The following GBA2 variants were observed in gnomAD, a reference collection of about 807,000 sequenced individuals.
GBA2 encodes the protein non-lysosomal glucosylceramidase.
A neutral mutation model predicts 112.9 loss-of-function variants in GBA2; 79 were observed. The observed-to-expected ratio is 0.70, with a 90% confidence interval of 0.58 to 0.84. The LOEUF is 0.84. Among genes scored for constraint, GBA2 ranks in the 40% least tolerant of loss-of-function variants. The pLI is 0.00. For missense variants in GBA2, 1,043 were observed against 1,190.0 expected, an observed-to-expected ratio of 0.88 and a Z score of 1.82; for synonymous variants, 403 against 434.3, an observed-to-expected ratio of 0.93 and a Z score of 0.90.
rs778700584 is a variant in GBA2, at chr9:35,740,836, C to G, written c.1015G>C (p.Ala339Pro). ...LPNPYTMAVA[A>P]RVTAATTVTH... ...GGCTCTTTCCTTACCGTGACTCGTG[C>G]AGCCACAGCCATCGTGTAGGGGTTT... The change falls in exon 5 of 17, where the codon GCA (alanine) becomes CCA (proline). Residue 339 changes from alanine (A) to proline (P), a missense_variant. By Grantham distance (27) the Ala-to-Pro change is conservative (BLOSUM62 -1). Coordinates refer to ENST00000378103, the MANE Select transcript of GBA2 (RefSeq NM_020944.3). The surrounding 1 kb of genome is among the most constrained non-coding windows in gnomAD (Gnocchi z 4.7). The G allele has an allele frequency of 4.3e-6, 7 of 1,613,998 alleles. No homozygotes were observed. The highest frequency in any genetic ancestry group is 5.1e-6 in the Non-Finnish European group (6 of 1,179,978).
intron 3 of GBA2, among the ~76,000 whole-genome samples, chr9:35,742,750 T>G (rs1826766082): frequency 6.6e-6 from 1 of 152,246 alleles, no homozygotes; most frequent in South Asian, 2.1e-4. Flanking sequence ...TCTCACAGTC[T>G]CCATTTCCCC....
intron 14 of GBA2, 34 bp downstream of exon 14, chr9:35,738,198 C>A (rs1409254458): frequency 1.9e-6 from 3 of 1,613,414 alleles, no homozygotes; most frequent in Non-Finnish European, 2.5e-6. Flanking sequence ...GTCCTCTCAG[C>A]TGCCTTAAGA....
chr9:35,738,430 C>A (rs947498456), intron 13 of GBA2, 56 bp from the exon 14 acceptor site: 2 of 1,598,570 alleles, frequency 1.3e-6, no homozygotes, highest in Non-Finnish European at 1.7e-6. Flanking sequence ...GCTCCCATGC[C>A]GTGTAATAGA....
intron 1 of GBA2, 37 bp downstream of exon 1, chr9:35,748,309 G>T: frequency 7.7e-7 from 1 of 1,302,432 alleles, no homozygotes; most frequent in South Asian, 1.3e-5. Flanking sequence ...GGAACAAAGT[G>T]AAGCCAAAGG....
intron 1 of GBA2, among the ~76,000 whole-genome samples, 196 bp from the exon 2 acceptor site, chr9:35,744,902 CTTTG>C (rs913428250): frequency 9.9e-5 from 15 of 152,134 alleles, no homozygotes; most frequent in African/African-American, 2.2e-4. Context: ...GAAGGAGTGG[CTTTG>C]TTTCTCTCCT....
rs1332433571 is a variant in GBA2, at chr9:35,739,512, T to C, written c.1583-93A>G. Reference sequence around the variant, plus strand: ...GTCCTCTAGATTTAGAGGTGGGGCATTGTTACTAGTCCACACCCAACACCC... The same window carrying C: ...GTCCTCTAGATTTAGAGGTGGGGCACTGTTACTAGTCCACACCCAACACCC... On this transcript the variant is annotated intron_variant, in intron 9 of 16. Coordinates refer to ENST00000378103, the MANE Select transcript of GBA2 (RefSeq NM_020944.3). 2.5e-5 allele frequency: 32 copies of C among 1,279,224 alleles called. No homozygotes were observed. The Middle Eastern group carries it at 7.4e-4, about 30-fold the overall frequency. The allele number at this position is 1,279,224 out of a possible 1,614,324, so 79.2% of individuals were successfully genotyped here. A position where few individuals can be genotyped will look rare whatever the true frequency, so the allele number is the denominator to read the frequency against.
At position 35,736,891 on chromosome 9, in the gene GBA2, C is replaced by T. The variant is rs1242791326; in HGVS notation, c.*278G>A. 5.3e-6 allele frequency: 4 copies of T among 747,778 alleles called. No homozygotes were observed. The Admixed American group carries it at 8.6e-5, about 16-fold the overall frequency. The allele number at this position is 747,778 out of a possible 1,614,324, so 46.3% of individuals were successfully genotyped here. ...TGGCTTTCTGGGTCTTTTATTTGTA[C>T]CCATGTGTCTGTCACACCATGAATG... On this transcript the variant is annotated 3_prime_UTR_variant, in exon 17 of 17. Transcript: ENST00000378103.
In GBA2 at chr9:35,737,813, T is replaced by G; in HGVS notation, c.2440A>C (p.Ser814Arg). The change falls in exon 16 of 17, where the codon AGT (serine) becomes CGT (arginine). Residue 814 changes from serine to arginine, a missense_variant. By Grantham distance (110) the Ser-to-Arg change is moderately radical (BLOSUM62 -1). Transcript: ENST00000378103. The surrounding 1 kb of genome is among the most constrained non-coding windows in gnomAD (Gnocchi z 4.1). ...MQPHGVPDKS[S>R]VQSDEVWVGV... is the part of the protein sequence containing the mutation. ...ACCCAGACTTCATCAGACTGCACAC[T>G]GGATTTATCAGGGACACCATGGGGC... 6.2e-7 allele frequency: 1 copy of G among 1,614,000 alleles called. No homozygotes were observed. Among genetic ancestry groups the G allele is most frequent in the Middle Eastern group, 1.6e-4 (1 of 6,062 alleles).
At position 35,738,840 on chromosome 9, in the gene GBA2, A is replaced by G. The variant is rs750363712; in HGVS notation, c.1859T>C (p.Leu620Pro). 6.2e-7 allele frequency: 1 copy of G among 1,613,932 alleles called. No individual in the cohort carries two copies. The highest frequency in any genetic ancestry group is 8.5e-7 in the Non-Finnish European group (1 of 1,179,760). ...LIHDTADWKD[L>P]NLKFVLQVYR... is the part of the protein sequence containing the mutation. ...AACCTGCAGCACAAACTTCAGGTTC[A>G]GGTCCTTCCAATCAGCAGTATCATG... The change falls in exon 12 of 17, where the codon CTG (leucine) becomes CCG (proline). Residue 620 changes from leucine to proline, a missense_variant. Transcript: ENST00000378103.
At chr9:35,745,727 G>C (rs1826939427) in intron 1 of GBA2, among the ~76,000 whole-genome samples, 1 of 152,082 alleles carries the variant, frequency 6.6e-6, no homozygotes, top group Non-Finnish European at 1.5e-5. Flanking sequence ...TCTGACATCT[G>C]TCCCAGCCTA....
chr9:35,737,526 T>TA lies in GBA2; in HGVS notation c.2506-80dup, dbSNP rs1826289667. 1 of 1,566,856 alleles carries TA rather than the reference T, an allele frequency of 6.4e-7. No homozygotes were observed. Among genetic ancestry groups the TA allele is most frequent in the African/African-American group, 1.4e-5 (1 of 73,542 alleles). On this transcript the variant is annotated intron_variant, in intron 16 of 16. Transcript: ENST00000378103. This position sits in a 1 kb window ranked among gnomAD's most constrained non-coding sequence, Gnocchi z 4.1. ...ACTTCCACTGGATAGATGGAGGCAG[T>TA]AGAGTCTTTGCCTTCAAGGAGCTCC...
chr9:35,739,047 G>T lies in GBA2; in HGVS notation c.1750C>A (p.Pro584Thr), dbSNP rs768089215. Residue 584 changes from proline to threonine, a missense_variant, in exon 11 of 17, where the codon CCT becomes ACT. By Grantham distance (38) the Pro-to-Thr change is conservative. Coordinates refer to ENST00000378103, the MANE Select transcript of GBA2 (RefSeq NM_020944.3). ...RRYLMSGVMA[P>T]VKRRNVIPHD... is the part of the protein sequence containing the mutation. ...GGGATGACGTTCCTCCTTTTCACAG[G>T]TGCCATCACCCCACTCATCAGGTAC... The T allele has an allele frequency of 1.9e-6, 3 of 1,613,742 alleles. No individual in the cohort carries two copies. The highest frequency in any genetic ancestry group is 2.5e-6 in the Non-Finnish European group (3 of 1,179,810).
intron 3 of GBA2, among the ~76,000 whole-genome samples, chr9:35,743,536 G>A (rs985703355): frequency 5.3e-5 from 8 of 152,180 alleles, no homozygotes; most frequent in Non-Finnish European, 8.8e-5. Flanking sequence ...GCTGGTAAAC[G>A]TGAACCAGGA....
Position 35,738,116 on chromosome 9 carries a change from T to C in GBA2, c.2234A>G (p.Gln745Arg). The change falls in exon 15 of 17, where the codon CAG becomes CGG. Residue 745 changes from glutamine to arginine, a missense_variant. Transcript: ENST00000378103. The stretch of plus-strand genomic sequence containing the variant: ...CTGGTCAGACATAACACTACGAGAC[T>C]GAGGCCGAGAGCTGCTGTCATAGTT... ...YYNYDSSSRPQSRSVMSDQCA... is the reference protein window; with the variant it reads ...YYNYDSSSRPRSRSVMSDQCA... 1 of 1,614,000 alleles carries C rather than the reference T, an allele frequency of 6.2e-7. No homozygotes were observed. Among genetic ancestry groups the C allele is most frequent in the Non-Finnish European group, 8.5e-7 (1 of 1,179,876 alleles).
rs754191961 is a variant in GBA2, at chr9:35,740,627, GC to G, written c.1027del (p.Ala343GlnfsTer5). The G allele has an allele frequency of 2.5e-6, 4 of 1,610,334 alleles. No individual in the cohort carries two copies. The South Asian group carries it at 4.4e-5, about 18-fold the overall frequency. On this transcript the variant is annotated frameshift_variant and splice_region_variant, in exon 6 of 17. Coordinates refer to ENST00000378103, the MANE Select transcript of GBA2 (RefSeq NM_020944.3). LOFTEE classifies it high-confidence loss of function. The surrounding 1 kb of genome is among the most constrained non-coding windows in gnomAD (Gnocchi z 4.7). ...TGTGATGTGGGTTACCGTGGTAGCT[GC>G]CTGTGAAGGGGTCAGGGACTGTGAG... ...YTMAVAARVT[A>X]ATTVTHITAF...
Position 35,748,726 on chromosome 9 carries a change from C to G in GBA2, c.-22G>C, listed in dbSNP as rs978324035. Reference sequence around the variant, plus strand: ...CCATGACCTCGATGGCGCCAAGTCCCGAGCCCTCGGATACTAAGTATCTCG... The same window carrying G: ...CCATGACCTCGATGGCGCCAAGTCCGGAGCCCTCGGATACTAAGTATCTCG... On this transcript the variant is annotated 5_prime_UTR_variant, in exon 1 of 17. Coordinates refer to ENST00000378103, the MANE Select transcript of GBA2 (RefSeq NM_020944.3). 9 of 1,422,468 alleles carry G rather than the reference C, an allele frequency of 6.3e-6. No individual in the cohort carries two copies. Among genetic ancestry groups the G allele is most frequent in the African/African-American group, 4.3e-5 (3 of 69,868 alleles). The allele number at this position is 1,422,468 out of a possible 1,614,324, so 88.1% of individuals were successfully genotyped here. A position where few individuals can be genotyped will look rare whatever the true frequency, so the allele number is the denominator to read the frequency against.
intron 3 of GBA2, among the ~76,000 whole-genome samples, chr9:35,742,228 T>C (rs1826732705): frequency 6.6e-6 from 1 of 152,220 alleles, no homozygotes; most frequent in African/African-American, 2.4e-5. Flanking sequence ...GATGTTTCAG[T>C]GACTCCCCAT....
Position 35,738,867 on chromosome 9 carries a change from A to G in GBA2, c.1832T>C (p.Ile611Thr), listed in dbSNP as rs1826435412. 2 of 1,614,100 alleles carry G rather than the reference A, an allele frequency of 1.2e-6. No individual in the cohort carries two copies. The highest frequency in any genetic ancestry group is 2.2e-5 in the South Asian group (2 of 91,082). ...EPWLRVNAYL[I>T]HDTADWKDLN... Reference sequence around the variant, plus strand: ...GTCCTTCCAATCAGCAGTATCATGGATTAAATATGCATTGACGCGGAGCCA... The same window carrying G: ...GTCCTTCCAATCAGCAGTATCATGGGTTAAATATGCATTGACGCGGAGCCA... Residue 611 changes from isoleucine (I) to threonine (T), a missense_variant, in exon 12 of 17, where the codon ATC (isoleucine) becomes ACC (threonine). Coordinates refer to ENST00000378103, the MANE Select transcript of GBA2 (RefSeq NM_020944.3).
intron 3 of GBA2, among the ~76,000 whole-genome samples, chr9:35,742,508 C>T (rs1325999346): frequency 6.6e-6 from 1 of 152,154 alleles, no homozygotes; most frequent in African/African-American, 2.4e-5. Flanking sequence ...ATTATGTGTG[C>T]CCCCCTCCCC....
Sources: gnomAD v4.1 joint callset for allele counts (sites outside exome capture counted in the v4.1 genomes callset) on GRCh38, gnomAD v4.1.1 for gene constraint, Gnocchi (gnomAD v3.1) non-coding constraint, MANE v1.5 for transcripts, NCBI Gene and HGNC (gene_info 2026-07-23, HGNC 2026-07-21) for gene names.